ARHGAP31: variants seen among roughly 807,000 people sequenced by gnomAD.
ARHGAP31 encodes the protein Rho GTPase activating protein 31, also known as rho GTPase-activating protein 31.
Under a neutral mutation model 113.9 loss-of-function variants are expected in ARHGAP31, and 34 were observed. That is an observed-to-expected ratio of 0.30 (90% CI 0.23 to 0.40). The LOEUF is 0.40. Among genes scored for constraint, ARHGAP31 ranks in the 10% least tolerant of loss-of-function variants. ARHGAP31 has a pLI of 1.00. For missense variants in ARHGAP31, 1,548 were observed against 1,767.1 expected (o/e 0.88, Z 2.22); for synonymous variants, 650 against 684.8 (o/e 0.95, Z 0.79).
At chr3:119,397,227 A>C (rs2080560504) in intron 8 of ARHGAP31, among the ~76,000 whole-genome samples, 1 of 152,218 alleles carries the variant, frequency 6.6e-6, no homozygotes, top group African/African-American at 2.4e-5. Context: ...ACCAAGCCAC[A>C]TCTCTGATGT....
At chr3:119,372,996 T>C (rs1017861531) in intron 3 of ARHGAP31, among the ~76,000 whole-genome samples, 2 of 152,232 alleles carry the variant, frequency 1.3e-5, no homozygotes, top group Admixed American at 6.5e-5. Flanking sequence ...GAAAATTCGC[T>C]ATCTATTGCA....
intron 1 of ARHGAP31, among the ~76,000 whole-genome samples, chr3:119,348,083 C>T (rs936343399): frequency 2.0e-5 from 3 of 152,212 alleles, no homozygotes; most frequent in African/African-American, 7.2e-5. Context: ...GCCAGCAAAG[C>T]TGAGCTCCAC....
At chr3:119,330,047 T>C in intron 1 of ARHGAP31, 2 of 959,144 alleles carry the variant, frequency 2.1e-6, no homozygotes, top group Non-Finnish European at 2.5e-6. Flanking sequence ...CCAACTAGTG[T>C]GGTAGATATT....
Position 119,416,378 on chromosome 3 carries a change from C to T in ARHGAP31, c.*114C>T. On this transcript the variant is annotated 3_prime_UTR_variant, in exon 12 of 12. Coordinates refer to ENST00000264245, the MANE Select transcript of ARHGAP31 (RefSeq NM_020754.4). ...ATCAAGTTTGGGCCTATTGTGGCCT[C>T]TGACTTCTCTTTCTTCAGCCTTTTG... 6.9e-7 allele frequency: 1 copy of T among 1,453,342 alleles called. No homozygotes were observed. The highest frequency in any genetic ancestry group is 9.5e-7 in the Non-Finnish European group (1 of 1,056,482). The allele number at this position is 1,453,342 out of a possible 1,614,324, so 90.0% of individuals were successfully genotyped here. A position where few individuals can be genotyped will look rare whatever the true frequency, so the allele number is the denominator to read the frequency against.
intron 6 of ARHGAP31, 59 bp downstream of exon 6, chr3:119,383,285 G>A (rs1293681212): frequency 5.0e-6 from 8 of 1,604,640 alleles, no homozygotes; most frequent in Admixed American, 1.7e-5. Flanking sequence ...GCAACTAGTG[G>A]TGGGACTCAA....
In ARHGAP31 at chr3:119,353,306, C is replaced by T. The variant is rs528501489; in HGVS notation, c.101-12010C>T. ...CATCTAAAAGCTCTGCCTGACTTCC[C>T]CACCAGCTGTAATCTTTTTAAAAGA... is the stretch of plus-strand genomic sequence containing the variant. On this transcript the variant is annotated intron_variant, in intron 1 of 11. Transcript: ENST00000264245. Among the ~76,000 whole-genome samples the T allele has an allele frequency of 1.3e-5, 2 of 152,300 alleles. 1 individual carries two copies. Among genetic ancestry groups the T allele is most frequent in the Non-Finnish European group, 2.9e-5 (2 of 68,026 alleles).
In ARHGAP31 at chr3:119,414,303, G is replaced by A. The variant is rs757448335; in HGVS notation, c.2374G>A (p.Glu792Lys). 2 of 1,614,098 alleles carry A rather than the reference G, an allele frequency of 1.2e-6. No homozygotes were observed. The highest frequency in any genetic ancestry group is 2.2e-5 in the South Asian group (2 of 91,078). The part of the protein sequence containing the change: ...PPAPPPPTPL[E>K]ESTPVLLSKG... Reference sequence around the variant, plus strand: ...TGCTCCTCCCCCTCCAACTCCTCTGGAGGAGTCAACTCCAGTCCTGCTTTC... The same window carrying A: ...TGCTCCTCCCCCTCCAACTCCTCTGAAGGAGTCAACTCCAGTCCTGCTTTC... Residue 792 changes from glutamate (E) to lysine (K), a missense_variant, in exon 12 of 12, where the codon GAG (glutamate) becomes AAG (lysine). By Grantham distance (56) the Glu-to-Lys change is moderately conservative. Coordinates refer to ENST00000264245, the MANE Select transcript of ARHGAP31 (RefSeq NM_020754.4).
intron 3 of ARHGAP31, among the ~76,000 whole-genome samples, chr3:119,371,471 T>C (rs1184949800): frequency 6.6e-6 from 1 of 152,230 alleles, no homozygotes; most frequent in Non-Finnish European, 1.5e-5. Flanking sequence ...CAACTAACTC[T>C]ATATACATAG....
At chr3:119,342,671 C>A (rs764742113) in intron 1 of ARHGAP31, among the ~76,000 whole-genome samples, 1 of 152,182 alleles carries the variant, frequency 6.6e-6, no homozygotes, top group African/African-American at 2.4e-5. Context: ...AAATACAGGC[C>A]GGGTGCAGTG....
At position 119,402,288 on chromosome 3, in the gene ARHGAP31, C is replaced by T; in HGVS notation, c.1536C>T (p.Pro512=). Residue 512 remains proline (P), a synonymous_variant, in exon 10 of 12, where the codon CCC becomes CCT. Transcript: ENST00000264245. Reference sequence around the variant, plus strand: ...CCAACAGCACGCCGTGCAGAACACCCCCGAAGGAGCTGCAGTCTCTTTCCA... The same window carrying T: ...CCAACAGCACGCCGTGCAGAACACCTCCGAAGGAGCTGCAGTCTCTTTCCA... ...ISTNSTPCRT[P]PKELQSLSSL... 1 of 1,614,256 alleles carries T rather than the reference C, an allele frequency of 6.2e-7. No homozygotes were observed. The highest frequency in any genetic ancestry group is 8.5e-7 in the Non-Finnish European group (1 of 1,180,050).
chr3:119,416,213 T>C lies in ARHGAP31; in HGVS notation c.4284T>C (p.Pro1428=). The C allele has an allele frequency of 5.0e-6, 8 of 1,614,200 alleles. No homozygotes were observed. The highest frequency in any genetic ancestry group is 6.8e-6 in the Non-Finnish European group (8 of 1,180,034). The change falls in exon 12 of 12, where the codon CCT becomes CCC. Residue 1428 remains proline, a synonymous_variant. Coordinates refer to ENST00000264245, the MANE Select transcript of ARHGAP31 (RefSeq NM_020754.4). ...LETSTSCFYQ[P]QRRSVILDGR... The stretch of plus-strand genomic sequence containing the variant: ...CCTCAACCAGCTGTTTTTACCAGCC[T>C]CAGCGGAGATCAGTAATTCTGGATG...
Position 119,328,249 on chromosome 3 carries a change from G to A in ARHGAP31, c.100+33245G>A, listed in dbSNP as rs554524658. Among the ~76,000 whole-genome samples, 4 of 152,232 alleles carry A rather than the reference G, an allele frequency of 2.6e-5. No homozygotes were observed. The South Asian group carries it at 8.3e-4, about 32-fold the overall frequency. Reference sequence around the variant, plus strand: ...TTACTTGCAAATGAGACATTAAGAGGGGGGAAAACCGAATCTAAGAAGACA... The same window carrying A: ...TTACTTGCAAATGAGACATTAAGAGAGGGGAAAACCGAATCTAAGAAGACA... On this transcript the variant is annotated intron_variant, in intron 1 of 11. Coordinates refer to ENST00000264245, the MANE Select transcript of ARHGAP31 (RefSeq NM_020754.4).
chr3:119,315,759 G>T (rs181892868), intron 1 of ARHGAP31, among the ~76,000 whole-genome samples: 6 of 152,378 alleles, frequency 3.9e-5, no homozygotes, highest in Middle Eastern at 3.4e-3. Context: ...CTGACCAGCA[G>T]CTGACAATAG....
intron 2 of ARHGAP31, among the ~76,000 whole-genome samples, chr3:119,366,994 C>T (rs1421286641): frequency 2.0e-5 from 3 of 151,596 alleles, no homozygotes; most frequent in South Asian, 2.1e-4. Context: ...CCCAACTACT[C>T]GGGAGGCTGA....
At position 119,368,535 on chromosome 3, in the gene ARHGAP31, A is replaced by G. The variant is rs200619820; in HGVS notation, c.348+19A>G. ...ATTCACGGTGAGTGTTTGGATTTCC[A>G]TTATGGTTACTGGGTGGGATGCATG... is the stretch of plus-strand genomic sequence containing the variant. On this transcript the variant is annotated intron_variant, in intron 3 of 11. Coordinates refer to ENST00000264245, the MANE Select transcript of ARHGAP31 (RefSeq NM_020754.4). 214 of 1,613,896 alleles carry G rather than the reference A, an allele frequency of 1.3e-4. No homozygotes were observed. Among genetic ancestry groups the G allele is most frequent in the Middle Eastern group, 8.2e-4 (5 of 6,084 alleles).
intron 1 of ARHGAP31, among the ~76,000 whole-genome samples, chr3:119,311,005 A>G (rs2079675524): frequency 6.6e-6 from 1 of 152,186 alleles, no homozygotes; most frequent in African/African-American, 2.4e-5. Context: ...AGCAAGGCAG[A>G]AAGTGGTCAA....
intron 1 of ARHGAP31, among the ~76,000 whole-genome samples, chr3:119,300,336 G>A (rs982531817): frequency 5.9e-5 from 9 of 152,176 alleles, no homozygotes; most frequent in Admixed American, 6.5e-5. Context: ...GAGTGGATGA[G>A]GCTCCAATTA....
At chr3:119,318,716 T>C (rs1454591086) in intron 1 of ARHGAP31, among the ~76,000 whole-genome samples, 1 of 152,256 alleles carries the variant, frequency 6.6e-6, no homozygotes, top group Admixed American at 6.5e-5. Flanking sequence ...ATAATTCTAA[T>C]TTAATACTGT....
intron 1 of ARHGAP31, among the ~76,000 whole-genome samples, chr3:119,328,334 G>T (rs1045207685): frequency 2.6e-5 from 4 of 152,146 alleles, no homozygotes; most frequent in African/African-American, 9.7e-5. Flanking sequence ...GACTGTGAAG[G>T]TTGGAGGGTC....
Sources: allele counts gnomAD v4.1 joint callset (sites outside exome capture counted in the v4.1 genomes callset), GRCh38; gene constraint gnomAD v4.1.1; transcripts MANE v1.5; gene names NCBI Gene and HGNC (gene_info 2026-07-23, HGNC 2026-07-21).